The following SLC8B1 variants were observed in gnomAD, a reference collection of about 807,000 sequenced individuals.
SLC8B1 encodes mitochondrial sodium/calcium exchanger protein.
A neutral mutation model predicts 63.4 loss-of-function variants in SLC8B1; 52 were observed. That is an observed-to-expected ratio of 0.82 (90% CI 0.66 to 1.03). SLC8B1 has a LOEUF of 1.03. SLC8B1 is among the 50% of genes least tolerant of loss of function. The pLI is 0.00. For synonymous variants in SLC8B1, 336 were observed against 323.9 expected (o/e 1.04, Z -0.40); for missense variants, 657 against 741.7 (o/e 0.89, Z 1.33).
rs967303220 is a variant in SLC8B1 at position 113,315,377 on chromosome 12, T to C, written c.1093A>G (p.Ile365Val). 1 of 1,562,454 alleles carries C rather than the reference T, an allele frequency of 6.4e-7. No individual in the cohort carries two copies. The highest frequency in any genetic ancestry group is 8.7e-7 in the Non-Finnish European group (1 of 1,152,894). The change falls in exon 11 of 16, where the codon ATC becomes GTC. Residue 365 changes from isoleucine to valine, a missense_variant. By Grantham distance (29) the Ile-to-Val change is conservative. Coordinates refer to ENST00000680972, the MANE Select transcript of SLC8B1 (RefSeq NM_001358345.2). Reference sequence around the variant, plus strand: ...GTCAGGACCACAACCAGGGGGCTGATAACCAGATGCAGACAGTTGAGGGGC... The same window carrying C: ...GTCAGGACCACAACCAGGGGGCTGACAACCAGATGCAGACAGTTGAGGGGC... ...KRPLNCLHLV[I>V]SPLVVVLTLQ...
chr12:113,319,366 G>A (rs960540713), intron 7 of SLC8B1: 1 of 309,130 alleles, frequency 3.2e-6, no homozygotes, highest in African/African-American at 2.2e-5. Context: ...GCCCTGGGAG[G>A]AGGCAGCCCT....
chr12:113,302,921 A>G (rs909301454), intron 15 of SLC8B1, among the ~76,000 whole-genome samples: 7 of 152,150 alleles, frequency 4.6e-5, no homozygotes, highest in Admixed American at 2.0e-4. Flanking sequence ...CCAACGGTAC[A>G]CCATGGACAT....
chr12:113,308,145 G>C, intron 12 of SLC8B1: 1 of 236,626 alleles, frequency 4.2e-6, no homozygotes, highest in Non-Finnish European at 8.3e-6. Flanking sequence ...TCAGGAGTTC[G>C]AGACCAACTT....
intron 15 of SLC8B1, among the ~76,000 whole-genome samples, chr12:113,303,077 C>A (rs963833393): frequency 2.0e-4 from 30 of 151,150 alleles, no homozygotes; most frequent in Non-Finnish European, 3.5e-4. Context: ...CACGTACACA[C>A]ACACACACAC....
At chr12:113,314,765 C>T (rs558747384) in intron 11 of SLC8B1, among the ~76,000 whole-genome samples, 49 of 152,060 alleles carry the variant, frequency 3.2e-4, no homozygotes, top group Admixed American at 7.2e-4. Flanking sequence ...AGATAAAATC[C>T]CCCAATTTTT....
intron 10 of SLC8B1, 41 bp from the exon 11 acceptor site, chr12:113,315,517 T>C (rs906099459): frequency 1.4e-5 from 21 of 1,509,268 alleles, no homozygotes; most frequent in East Asian, 2.4e-5. Context: ...GGCAGGGAAG[T>C]CTGAATCCCA....
chr12:113,319,995 G>A (rs1018720438), intron 7 of SLC8B1: 6 of 250,934 alleles, frequency 2.4e-5, no homozygotes, highest in African/African-American at 1.3e-4. Context: ...GTCTCGCTAT[G>A]TTGCCCAGGC....
At chr12:113,310,583 A>G (rs1956743809) in intron 11 of SLC8B1, among the ~76,000 whole-genome samples, 1 of 152,236 alleles carries the variant, frequency 6.6e-6, no homozygotes, top group South Asian at 2.1e-4. Context: ...CTGTGGAACT[A>G]GGATAGGAAT....
chr12:113,304,954 C>T (rs917401735), intron 14 of SLC8B1, among the ~76,000 whole-genome samples: 11 of 152,156 alleles, frequency 7.2e-5, no homozygotes, highest in African/African-American at 2.7e-4. Context: ...ATGCCCAACT[C>T]CCCCAAACAC....
At chr12:113,317,783 TTGTG>T (rs1349113349) in intron 8 of SLC8B1, among the ~76,000 whole-genome samples, 1 of 151,914 alleles carries the variant, frequency 6.6e-6, no homozygotes, top group East Asian at 1.9e-4. Flanking sequence ...TGTATGTGTG[TTGTG>T]TATGTGAGTG....
chr12:113,310,496 T>G, intron 11 of SLC8B1, 141 bp from the exon 12 acceptor site: 1 of 1,071,642 alleles, frequency 9.3e-7, no homozygotes, highest in Non-Finnish European at 1.3e-6. Context: ...AAATTTAAAA[T>G]GCAGCCCCTG....
chr12:113,322,689 G>T (rs957041728), intron 2 of SLC8B1, among the ~76,000 whole-genome samples: 1 of 152,138 alleles, frequency 6.6e-6, no homozygotes, highest in Non-Finnish European at 1.5e-5. Flanking sequence ...GCTCACGCCT[G>T]TAACTGTAGC....
chr12:113,325,499 C>A (rs1956985652), intron 2 of SLC8B1, among the ~76,000 whole-genome samples: 1 of 151,980 alleles, frequency 6.6e-6, no homozygotes, highest in South Asian at 2.1e-4. Context: ...TGGCCTCAAG[C>A]CATCCTCCCA....
intron 2 of SLC8B1, among the ~76,000 whole-genome samples, chr12:113,325,785 G>A (rs1438636555): frequency 1.3e-5 from 2 of 151,662 alleles, no homozygotes; most frequent in Admixed American, 1.3e-4. Flanking sequence ...GGATGATCTC[G>A]ATCTCCTGAC....
rs2136871252 is a variant in SLC8B1, at chr12:113,331,945, C to T, written c.156+778G>A. On this transcript the variant is annotated intron_variant, in intron 2 of 15. Coordinates refer to ENST00000680972, the MANE Select transcript of SLC8B1 (RefSeq NM_001358345.2). ...AATCTGCCCGCCATTACCTCTCCATCCTCCTCTCTTAGCATTCTTCCCCTC... is the reference window on the plus strand; with the variant it reads ...AATCTGCCCGCCATTACCTCTCCATTCTCCTCTCTTAGCATTCTTCCCCTC... Among the ~76,000 whole-genome samples, 2 of 152,256 alleles carry T rather than the reference C, an allele frequency of 1.3e-5. 1 individual carries two copies. Among genetic ancestry groups the T allele is most frequent in the South Asian group, 4.1e-4 (2 of 4,830 alleles).
At chr12:113,319,111 G>T in intron 7 of SLC8B1, 40 bp from the exon 8 acceptor site, 1 of 1,509,392 alleles carries the variant, frequency 6.6e-7, no homozygotes, top group Non-Finnish European at 9.2e-7. Flanking sequence ...TGGTGTCCTG[G>T]TGCAGGTCTA....
In SLC8B1 at chr12:113,333,802, G is replaced by A. The variant is rs542679324; in HGVS notation, c.-83+641C>T. The stretch of plus-strand genomic sequence containing the variant: ...CAGCTCACTGCAACCTCTGCCTCCC[G>A]GGTTCAAGTGATTCTCCTGCCTCAG... On this transcript the variant is annotated intron_variant, in intron 1 of 15. Coordinates refer to ENST00000680972, the MANE Select transcript of SLC8B1 (RefSeq NM_001358345.2). Among the ~76,000 whole-genome samples the A allele has an allele frequency of 1.4e-4, 22 of 152,274 alleles. No individual in the cohort carries two copies. In the East Asian group the frequency reaches 2.5e-3, roughly 17 times the overall value.
At chr12:113,318,001 TTA>T (rs1032942456) in intron 8 of SLC8B1, among the ~76,000 whole-genome samples, 8 of 152,192 alleles carry the variant, frequency 5.3e-5, no homozygotes, top group Non-Finnish European at 8.8e-5. Flanking sequence ...GAGCATGTAT[TTA>T]TGTGTGTTGC....
chr12:113,316,715 C>T, intron 9 of SLC8B1, 59 bp from the exon 10 acceptor site: 2 of 1,594,186 alleles, frequency 1.3e-6, no homozygotes, highest in East Asian at 4.5e-5. Flanking sequence ...TCCAGGAAAC[C>T]TTCCCCGCTC....
Sources: allele counts gnomAD v4.1 joint callset (sites outside exome capture counted in the v4.1 genomes callset), GRCh38; gene constraint gnomAD v4.1.1; transcripts MANE v1.5; gene names NCBI Gene and HGNC (gene_info 2026-07-23, HGNC 2026-07-21).